Variants in CNTNAP4 observed in about 807,000 individuals in gnomAD.
CNTNAP4 encodes the protein contactin associated protein family member 4.
A neutral mutation model predicts 148.4 loss-of-function variants in CNTNAP4; 98 were observed. The ratio of observed to expected loss-of-function variants is 0.66; its 90% CI spans 0.56 to 0.78. The LOEUF (loss-of-function observed/expected upper bound fraction) is 0.78, where lower values mean the gene tolerates loss of function less well. Ranked by LOEUF, CNTNAP4 falls within the 30% of genes least tolerant of loss-of-function variation. The pLI is 0.00. For synonymous variants in CNTNAP4, 730 were observed against 565.1 expected (o/e 1.29, Z -4.14); for missense variants, 1,935 against 1,565.6 (o/e 1.24, Z -3.98).
At chr16:76,287,549 G>A (rs1293271458) in intron 1 of CNTNAP4, 1 of 152,182 alleles carries the variant, frequency 6.6e-6, no homozygotes, top group Admixed American at 6.5e-5. Flanking sequence ...ACATTCTCTA[G>A]AGAAGATGTC....
chr16:76,375,222 G>C (rs552332992), intron 3 of CNTNAP4, among the ~76,000 whole-genome samples: 1 of 152,166 alleles, frequency 6.6e-6, no homozygotes, highest in Non-Finnish European at 1.5e-5. Context: ...AGAAGTTCGA[G>C]ACCAGCCTGG....
At chr16:76,464,734 C>T (rs1014459139) in intron 9 of CNTNAP4, among the ~76,000 whole-genome samples, 1 of 152,130 alleles carries the variant, frequency 6.6e-6, no homozygotes. Flanking sequence ...GAGTGGGCTG[C>T]TCCTGAACTA....
At chr16:76,477,639 G>T (rs932886237) in intron 11 of CNTNAP4, among the ~76,000 whole-genome samples, 4 of 152,106 alleles carry the variant, frequency 2.6e-5, no homozygotes, top group African/African-American at 9.7e-5. Context: ...TGCCTCATAA[G>T]ATTTTTATGA....
intron 11 of CNTNAP4, among the ~76,000 whole-genome samples, chr16:76,476,495 G>A (rs1398189375): frequency 6.6e-6 from 1 of 152,204 alleles, no homozygotes; most frequent in Non-Finnish European, 1.5e-5. Flanking sequence ...ATATCCAGTA[G>A]AGACTAGATG....
intron 3 of CNTNAP4, among the ~76,000 whole-genome samples, chr16:76,356,183 CTTTA>C (rs1234004707): frequency 6.6e-6 from 1 of 152,152 alleles, no homozygotes; most frequent in East Asian, 1.9e-4. Context: ...CCTGCATTGT[CTTTA>C]TTTACAATTA....
At chr16:76,472,336 C>A (rs371602239) in intron 10 of CNTNAP4, among the ~76,000 whole-genome samples, 2 of 151,916 alleles carry the variant, frequency 1.3e-5, no homozygotes, top group South Asian at 2.1e-4. Context: ...TAGGAAAAAT[C>A]TAGTCTAACA....
At chr16:76,487,053 A>G (rs2143748169) in intron 12 of CNTNAP4, among the ~76,000 whole-genome samples, 1 of 152,288 alleles carries the variant, frequency 6.6e-6, no homozygotes, top group South Asian at 2.1e-4. Flanking sequence ...TATTGGCAAG[A>G]TAACTCCTTA....
intron 21 of CNTNAP4, among the ~76,000 whole-genome samples, chr16:76,551,864 A>G (rs2084965160): frequency 6.6e-6 from 1 of 152,204 alleles, no homozygotes; most frequent in Non-Finnish European, 1.5e-5. Context: ...CCATATTATT[A>G]TATTTTCAAA....
chr16:76,408,875 A>C (rs2078697294), intron 3 of CNTNAP4, among the ~76,000 whole-genome samples: 1 of 152,006 alleles, frequency 6.6e-6, no homozygotes. Context: ...CTCATCCACT[A>C]TCTGCCACTC....
rs569753952 is a variant in CNTNAP4, at chr16:76,343,957, G to A, written c.197-11361G>A. ...TCATTTGTTTGTAGGCCAGGAGCCA[G>A]ATGGAACTAGCCAGGGTGCACGGAT... is the stretch of plus-strand genomic sequence containing the variant. On this transcript the variant is annotated intron_variant, in intron 2 of 23. Transcript: ENST00000611870. 4.3e-4 allele frequency among the ~76,000 whole-genome samples: 66 copies of A among 152,302 alleles called. 3 individuals carry two copies. The South Asian group carries it at 0.013, about 31-fold the overall frequency.
chr16:76,498,737 C>A, intron 15 of CNTNAP4, 43 bp downstream of exon 15: 1 of 1,534,012 alleles, frequency 6.5e-7, no homozygotes, highest in Admixed American at 2.1e-5. Context: ...GAGAAAAGAA[C>A]CATGACTTAA....
At chr16:76,426,691 T>A (rs2079417666) in intron 3 of CNTNAP4, among the ~76,000 whole-genome samples, 1 of 152,168 alleles carries the variant, frequency 6.6e-6, no homozygotes. Context: ...TACCATGTAA[T>A]GGTTGCAATG....
intron 6 of CNTNAP4, 138 bp downstream of exon 6, chr16:76,449,089 C>A: frequency 1.3e-6 from 1 of 751,956 alleles, no homozygotes; most frequent in Non-Finnish European, 2.2e-6. Context: ...GGCAGTCTAA[C>A]TCACAGTGGC....
intron 15 of CNTNAP4, among the ~76,000 whole-genome samples, chr16:76,510,565 T>G (rs1597782052): frequency 6.6e-6 from 1 of 152,146 alleles, no homozygotes; most frequent in African/African-American, 2.4e-5. Flanking sequence ...GGCGTAATTT[T>G]TATGTGGCAT....
At position 76,494,560 on chromosome 16, in the gene CNTNAP4, T is replaced by A. The variant is rs543438286; in HGVS notation, c.2081-350T>A. ...TTGGTATGTTAATTACTATGATTTA[T>A]ATTTTGATGCTAACTTGTTTCAAAA... On this transcript the variant is annotated intron_variant, in intron 13 of 23. Transcript: ENST00000611870. Among the ~76,000 whole-genome samples, 137 of 152,326 alleles carry A rather than the reference T, an allele frequency of 9.0e-4. 3 individuals are homozygous for A. Among genetic ancestry groups the A allele is most frequent in the South Asian group, 6.2e-3 (30 of 4,824 alleles).
chr16:76,558,448 T>G (rs1597165364), intron 23 of CNTNAP4, 42 bp from the exon 24 acceptor site: 1 of 1,203,688 alleles, frequency 8.3e-7, no homozygotes, highest in Non-Finnish European at 1.2e-6. Flanking sequence ...CAGTTTCTAT[T>G]TGGACAGAAA....
chr16:76,552,355 A>G (rs979120453), intron 21 of CNTNAP4, among the ~76,000 whole-genome samples: 1 of 151,196 alleles, frequency 6.6e-6, no homozygotes, highest in Non-Finnish European at 1.5e-5. Context: ...TAGTTGTGCT[A>G]TTTTTTTTTA....
chr16:76,494,847 A>C, intron 13 of CNTNAP4, 63 bp from the exon 14 acceptor site: 1 of 1,473,158 alleles, frequency 6.8e-7, no homozygotes. Flanking sequence ...AAAAGGAATT[A>C]TATTGGGAGA....
chr16:76,458,766 G>A (rs1439283746), intron 8 of CNTNAP4, among the ~76,000 whole-genome samples: 2 of 152,136 alleles, frequency 1.3e-5, no homozygotes, highest in Non-Finnish European at 2.9e-5. Flanking sequence ...ACCTGGTATC[G>A]GTCCATGGCC....
Sources: allele counts gnomAD v4.1 joint callset (sites outside exome capture counted in the v4.1 genomes callset), GRCh38; gene constraint gnomAD v4.1.1; transcripts MANE v1.5; gene names NCBI Gene and HGNC (gene_info 2026-07-23, HGNC 2026-07-21).